Variants in SLC9D1 observed in about 807,000 individuals in gnomAD.
SLC9D1 encodes putative LAG1-interacting protein.
chr13:113,548,782 C>T, the SLC9D1 span, among the ~76,000 whole-genome samples: 2 of 152,160 alleles, frequency 1.3e-5, no homozygotes, highest in Admixed American at 1.3e-4. Flanking sequence ...CGTGAAATAC[C>T]CGTAATGGCA....
At chr13:113,545,544 A>G in the SLC9D1 span, among the ~76,000 whole-genome samples, 3 of 152,210 alleles carry the variant, frequency 2.0e-5, no homozygotes, top group African/African-American at 7.2e-5. Flanking sequence ...ATTAGGCTCC[A>G]TAATTATTGG....
chr13:113,543,676 C>G, the SLC9D1 span, among the ~76,000 whole-genome samples: 9 of 149,898 alleles, frequency 6.0e-5, no homozygotes, highest in African/African-American at 2.2e-4. Flanking sequence ...TGCTCCAGCC[C>G]CAGGCTGCCC....
At chr13:113,506,546 C>G in the SLC9D1 span, among the ~76,000 whole-genome samples, 2 of 134,316 alleles carry the variant, frequency 1.5e-5, no homozygotes, top group Non-Finnish European at 3.1e-5. Flanking sequence ...GCAGCATGGG[C>G]GTGTGTGTGT....
At chr13:113,491,054 G>A in the SLC9D1 span, 1 of 157,140 alleles carries the variant, frequency 6.4e-6, no homozygotes, top group African/African-American at 2.4e-5. Context: ...AGCGGGGGCG[G>A]TGCTGGGCAG....
chr13:113,498,319 C>G, the SLC9D1 span: 2 of 1,497,208 alleles, frequency 1.3e-6, no homozygotes, highest in South Asian at 2.8e-5. Flanking sequence ...ATATCTCACT[C>G]TTCTTTTCTT....
the SLC9D1 span, among the ~76,000 whole-genome samples, chr13:113,532,866 G>T: frequency 1.8e-5 from 2 of 113,848 alleles, no homozygotes; most frequent in Admixed American, 8.7e-5. Context: ...CCTGCAGCGA[G>T]CTCTGAAGGA....
At chr13:113,520,398 C>G in the SLC9D1 span, 1 of 371,654 alleles carries the variant, frequency 2.7e-6, no homozygotes, top group Non-Finnish European at 4.9e-6. Flanking sequence ...GCAGGAGAAT[C>G]ACTTGAACCC....
chr13:113,499,892 C>T, the SLC9D1 span: 3 of 940,000 alleles, frequency 3.2e-6, no homozygotes, highest in East Asian at 5.9e-5. Context: ...TTCTGTTTAG[C>T]GTTCATTCTC....
chr13:113,493,747 C>G, the SLC9D1 span, among the ~76,000 whole-genome samples: 1 of 152,322 alleles, frequency 6.6e-6, no homozygotes, highest in South Asian at 2.1e-4. Flanking sequence ...CACTTTCTAA[C>G]CAGAATATAG....
At chr13:113,544,740 C>T in the SLC9D1 span, among the ~76,000 whole-genome samples, 2 of 152,178 alleles carry the variant, frequency 1.3e-5, no homozygotes, top group Non-Finnish European at 2.9e-5. Context: ...CCATGGCCTG[C>T]GCGGAGAGAT....
the SLC9D1 span, among the ~76,000 whole-genome samples, chr13:113,533,240 GATCCCTTCATTCC>G: frequency 7.4e-4 from 110 of 149,432 alleles, 2 homozygotes; most frequent in Admixed American, 1.1e-3. Context: ...GGCCGTTGTT[GATCCCTTCATTCC>G]ATCCCTTCAT....
At chr13:113,502,244 C>T in the SLC9D1 span, among the ~76,000 whole-genome samples, 34 of 152,222 alleles carry the variant, frequency 2.2e-4, no homozygotes, top group East Asian at 5.4e-3. Context: ...GACAGAGTCT[C>T]GCACTGTCAC....
At chr13:113,526,489 C>T in the SLC9D1 span, among the ~76,000 whole-genome samples, 2 of 151,518 alleles carry the variant, frequency 1.3e-5, no homozygotes, top group African/African-American at 2.4e-5. Context: ...GAGGCCAAGG[C>T]GGGAGGATTG....
At chr13:113,548,456 A>C in the SLC9D1 span, 2 of 1,600,642 alleles carry the variant, frequency 1.2e-6, no homozygotes, top group African/African-American at 2.7e-5. Flanking sequence ...TCGGGAGGTG[A>C]GTGGCTTCCC....
the SLC9D1 span, among the ~76,000 whole-genome samples, chr13:113,533,820 A>G: frequency 1.8e-4 from 27 of 152,220 alleles, no homozygotes; most frequent in Admixed American, 5.9e-4. Context: ...CATTCACCCC[A>G]GAGTATTGAC....
chr13:113,499,960 C>G, the SLC9D1 span: 2 of 1,481,822 alleles, frequency 1.3e-6, no homozygotes, highest in Admixed American at 2.1e-5. Flanking sequence ...TCTTGCAGGT[C>G]AAGGGGGTCA....
At chr13:113,491,739 G>T in the SLC9D1 span, among the ~76,000 whole-genome samples, 147 of 152,268 alleles carry the variant, frequency 9.7e-4, 1 homozygote, top group African/African-American at 3.4e-3. Context: ...CTCCAGGGCC[G>T]GCCGCAGAGA....
chr13:113,501,520 CTG>C, the SLC9D1 span, among the ~76,000 whole-genome samples: 5 of 152,132 alleles, frequency 3.3e-5, no homozygotes, highest in Non-Finnish European at 7.4e-5. Context: ...CGAGGGGTGA[CTG>C]TAATCTTTAG....
chr13:113,511,127 G>C, the SLC9D1 span, among the ~76,000 whole-genome samples: 2 of 152,098 alleles, frequency 1.3e-5, no homozygotes, highest in Non-Finnish European at 2.9e-5. Flanking sequence ...GGAAACCTAG[G>C]CAGGACCGTG....
Sources: gnomAD v4.1 joint callset for allele counts (sites outside exome capture counted in the v4.1 genomes callset) on GRCh38, gnomAD v4.1.1 for gene constraint, MANE v1.5 for transcripts, NCBI Gene and HGNC (gene_info 2026-07-23, HGNC 2026-07-21) for gene names.